KCNK9: variants seen among roughly 807,000 people sequenced by gnomAD.
KCNK9 encodes the protein potassium two pore domain channel subfamily K member 9, also known as potassium channel subfamily K member 9.
In KCNK9, 1 loss-of-function variant was observed where a neutral mutation model predicts 10.8. The ratio of observed to expected loss-of-function variants is 0.09; its 90% CI spans 0.03 to 0.44. The LOEUF (loss-of-function observed/expected upper bound fraction) is 0.44, where lower values mean the gene tolerates loss of function less well. KCNK9 is among the 20% of genes least tolerant of loss of function. KCNK9 has a pLI of 0.97. For synonymous variants in KCNK9, 231 were observed against 222.7 expected (o/e 1.04, Z -0.33); for missense variants, 303 against 515.0 (o/e 0.59, Z 3.98).
chr8:139,625,141 C>G (rs774412019), intron 1 of KCNK9, among the ~76,000 whole-genome samples: 1 of 148,408 alleles, frequency 6.7e-6, no homozygotes, highest in South Asian at 2.1e-4. Context: ...CTCAGGCTGG[C>G]GTGCAGCCCT....
Position 139,618,176 on chromosome 8 carries a change from A to G in KCNK9, c.*82T>C. The G allele has an allele frequency of 6.5e-7, 1 of 1,532,280 alleles. No individual in the cohort carries two copies. Among genetic ancestry groups the G allele is most frequent in the East Asian group, 2.2e-5 (1 of 44,500 alleles). The allele number at this position is 1,532,280 out of a possible 1,614,324, so 94.9% of individuals were successfully genotyped here. A position where few individuals can be genotyped will look rare whatever the true frequency, so the allele number is the denominator to read the frequency against. On this transcript the variant is annotated 3_prime_UTR_variant, in exon 2 of 2. Transcript: ENST00000520439. The surrounding 1 kb of genome is among the most constrained non-coding windows in gnomAD (Gnocchi z 7.9). ...ATGATGACAATAATAATAATAAATAAATAAGAAAAGACGAGTTGGACCAAT... is the reference window on the plus strand; with the variant it reads ...ATGATGACAATAATAATAATAAATAGATAAGAAAAGACGAGTTGGACCAAT...
chr8:139,690,619 G>T (rs778491653), intron 1 of KCNK9, among the ~76,000 whole-genome samples: 1 of 152,190 alleles, frequency 6.6e-6, no homozygotes, highest in Admixed American at 6.5e-5. Flanking sequence ...ATTGTCAGGT[G>T]ATAATCACTG....
chr8:139,642,761 G>A (rs1302055788), intron 1 of KCNK9, among the ~76,000 whole-genome samples: 1 of 152,234 alleles, frequency 6.6e-6, no homozygotes, highest in Non-Finnish European at 1.5e-5. Context: ...GGCAGGAGGG[G>A]ACAGTACTGT....
intron 1 of KCNK9, among the ~76,000 whole-genome samples, chr8:139,658,710 C>G (rs532716621): frequency 6.6e-6 from 1 of 152,350 alleles, no homozygotes; most frequent in South Asian, 2.1e-4. Flanking sequence ...CTGGCAGACT[C>G]CAGAGCCCCA....
At chr8:139,699,830 A>G (rs1448402454) in intron 1 of KCNK9, among the ~76,000 whole-genome samples, 1 of 152,242 alleles carries the variant, frequency 6.6e-6, no homozygotes, top group African/African-American at 2.4e-5. Flanking sequence ...TAATAGCTGC[A>G]TCTGAGAAGA....
At chr8:139,691,247 C>G (rs1042807065) in intron 1 of KCNK9, among the ~76,000 whole-genome samples, 1 of 152,206 alleles carries the variant, frequency 6.6e-6, no homozygotes, top group African/African-American at 2.4e-5. Flanking sequence ...TGCAGATCCC[C>G]CTGCACTGGC....
downstream of KCNK9, among the ~76,000 whole-genome samples, chr8:139,609,325 T>C (rs1814346123): frequency 7.3e-6 from 1 of 136,472 alleles, no homozygotes; most frequent in East Asian, 2.3e-4. Flanking sequence ...TGCTACACTA[T>C]ATGCAAGTCT....
downstream of KCNK9, chr8:139,612,554 G>GA (rs927424579): frequency 0.014 from 2 of 144 alleles, no homozygotes; most frequent in Non-Finnish European, 0.026. Flanking sequence ...GGAATGAGTA[G>GA]AGCATTCGCC....
intron 1 of KCNK9, among the ~76,000 whole-genome samples, chr8:139,621,361 C>T (rs1814774314): frequency 6.6e-6 from 1 of 151,658 alleles, no homozygotes; most frequent in Admixed American, 6.6e-5. Context: ...TCAGTGAACC[C>T]CAGGCAGGAC....
chr8:139,628,584 G>A (rs1791519060), intron 1 of KCNK9, among the ~76,000 whole-genome samples: 1 of 152,160 alleles, frequency 6.6e-6, no homozygotes, highest in South Asian at 2.1e-4. Flanking sequence ...TGCCCTCAGA[G>A]CCCTGGCAAC....
At chr8:139,605,703 T>C (rs1817470915) in intron 2 of KCNK9, among the ~76,000 whole-genome samples, 1 of 152,154 alleles carries the variant, frequency 6.6e-6, no homozygotes. Flanking sequence ...CATTAAATGA[T>C]TTTTTTTCTG....
chr8:139,635,579 AAAAAGCCTGCTGCT>A (rs1355267396), intron 1 of KCNK9, among the ~76,000 whole-genome samples: 1 of 152,262 alleles, frequency 6.6e-6, no homozygotes. Flanking sequence ...AAAGAAATGG[AAAAAGCCTGCTGCT>A]ATAAGCCTGA....
At chr8:139,700,479 T>TAC (rs1311162544) in intron 1 of KCNK9, among the ~76,000 whole-genome samples, 5 of 140,052 alleles carry the variant, frequency 3.6e-5, no homozygotes, top group East Asian at 2.2e-4. Flanking sequence ...TTTATTCACA[T>TAC]ACACATACAC....
At chr8:139,632,328 T>C (rs1815198598) in intron 1 of KCNK9, among the ~76,000 whole-genome samples, 1 of 152,220 alleles carries the variant, frequency 6.6e-6, no homozygotes, top group Admixed American at 6.5e-5. Flanking sequence ...CTGTTAACAC[T>C]GAACTCAGTG....
Position 139,618,103 on chromosome 8 carries a change from G to A in KCNK9, c.*155C>T. 1 of 1,083,354 alleles carries A rather than the reference G, an allele frequency of 9.2e-7. No homozygotes were observed. The highest frequency in any genetic ancestry group is 1.3e-6 in the Non-Finnish European group (1 of 756,798). 67.1% of individuals were successfully genotyped at this position (1,083,354 alleles called of 1,614,324 possible). On this transcript the variant is annotated 3_prime_UTR_variant, in exon 2 of 2. Transcript: ENST00000520439. The surrounding 1 kb of genome is among the most constrained non-coding windows in gnomAD (Gnocchi z 7.9). ...GCTCTGTCTGGCTGGAAAGGTGGGG[G>A]AAAATGAGACCAAGAGACCAAGAAA...
intron 1 of KCNK9, among the ~76,000 whole-genome samples, chr8:139,640,336 A>AG (rs1815465333): frequency 1.3e-5 from 2 of 152,162 alleles, no homozygotes; most frequent in South Asian, 4.1e-4. Flanking sequence ...ATACCTCCTG[A>AG]GCCCCTGACG....
At chr8:139,630,089 G>A (rs998009455) in intron 1 of KCNK9, among the ~76,000 whole-genome samples, 7 of 152,120 alleles carry the variant, frequency 4.6e-5, no homozygotes, top group Non-Finnish European at 1.0e-4. Context: ...CGGCGCGAAA[G>A]GGTAAGGGGT....
chr8:139,662,236 TG>T (rs1816172190), intron 1 of KCNK9, among the ~76,000 whole-genome samples: 1 of 152,042 alleles, frequency 6.6e-6, no homozygotes, highest in Non-Finnish European at 1.5e-5. Flanking sequence ...GAGCAGGCTA[TG>T]GGGTGAGCTG....
At chr8:139,640,437 A>G (rs904577507) in intron 1 of KCNK9, among the ~76,000 whole-genome samples, 1 of 152,140 alleles carries the variant, frequency 6.6e-6, no homozygotes, top group Non-Finnish European at 1.5e-5. Context: ...GACACCCCAC[A>G]CTACTTTCTT....
Sources: allele counts gnomAD v4.1 joint callset (sites outside exome capture counted in the v4.1 genomes callset), GRCh38; gene constraint gnomAD v4.1.1; non-coding constraint Gnocchi (gnomAD v3.1); transcripts MANE v1.5; gene names NCBI Gene and HGNC (gene_info 2026-07-23, HGNC 2026-07-21).